The following CADM2 variants were observed in gnomAD, a reference collection of about 807,000 sequenced individuals.
The protein encoded by CADM2 is cell adhesion molecule 2, also known as immunoglobulin superfamily member 4D.
CADM2 carries 12 observed loss-of-function variants against 49.8 expected under a neutral mutation model. The ratio of observed to expected loss-of-function variants is 0.24; its 90% CI spans 0.15 to 0.39. The LOEUF (loss-of-function observed/expected upper bound fraction) is 0.39. Among genes scored for constraint, CADM2 ranks in the 10% least tolerant of loss-of-function variants. CADM2 has a pLI of 1.00. For missense variants in CADM2, 378 were observed against 492.3 expected (o/e 0.77, Z 2.20); for synonymous variants, 214 against 175.4 (o/e 1.22, Z -1.74).
intron 1 of CADM2, among the ~76,000 whole-genome samples, chr3:85,563,471 A>T (rs1442134910): frequency 6.6e-6 from 1 of 151,724 alleles, no homozygotes; most frequent in Admixed American, 6.6e-5. Context: ...AAAATATGTG[A>T]TCCATTATAC....
chr3:85,889,762 T>G (rs755671300), intron 5 of CADM2, among the ~76,000 whole-genome samples: 4 of 152,136 alleles, frequency 2.6e-5, no homozygotes, highest in Admixed American at 1.3e-4. Context: ...GTTGTACCAA[T>G]TCCTGAATTA....
chr3:85,724,439 A>G (rs748615922), intron 1 of CADM2, among the ~76,000 whole-genome samples: 1 of 151,934 alleles, frequency 6.6e-6, no homozygotes, highest in Non-Finnish European at 1.5e-5. Context: ...GAGATATGCC[A>G]TAAAGATGCA....
At chr3:85,505,656 A>T (rs1308027291) in intron 1 of CADM2, among the ~76,000 whole-genome samples, 1 of 152,186 alleles carries the variant, frequency 6.6e-6, no homozygotes, top group Non-Finnish European at 1.5e-5. Flanking sequence ...TAGCCATCAT[A>T]TGTTAGAGAT....
chr3:85,906,823 TAAAGA>T (rs1466935312), intron 5 of CADM2, among the ~76,000 whole-genome samples: 1 of 152,194 alleles, frequency 6.6e-6, no homozygotes, highest in African/African-American at 2.4e-5. Context: ...GCTTGAACAT[TAAAGA>T]AAAGTGTTTT....
chr3:85,271,569 A>G (rs1357661302), intron 1 of CADM2, among the ~76,000 whole-genome samples: 1 of 151,236 alleles, frequency 6.6e-6, no homozygotes, highest in East Asian at 1.9e-4. Flanking sequence ...TAAGGTCATG[A>G]TGCTTTATAA....
chr3:85,410,552 A>G (rs1422216798), intron 1 of CADM2, among the ~76,000 whole-genome samples: 1 of 152,174 alleles, frequency 6.6e-6, no homozygotes, highest in Non-Finnish European at 1.5e-5. Context: ...GGATTTTTTA[A>G]AAAGGATTTG....
chr3:85,689,665 A>G (rs2107677424), intron 1 of CADM2, among the ~76,000 whole-genome samples: 1 of 152,300 alleles, frequency 6.6e-6, no homozygotes, highest in South Asian at 2.1e-4. Flanking sequence ...ACATGTTCAG[A>G]GCTGTTCTTT....
intron 1 of CADM2, among the ~76,000 whole-genome samples, chr3:85,201,701 T>C (rs1187562015): frequency 6.6e-6 from 1 of 152,166 alleles, no homozygotes; most frequent in Non-Finnish European, 1.5e-5. Flanking sequence ...TATTCTAAAA[T>C]TTTGTTGTCA....
At chr3:86,041,528 C>A (rs1468505113) in intron 8 of CADM2, among the ~76,000 whole-genome samples, 1 of 152,134 alleles carries the variant, frequency 6.6e-6, no homozygotes, top group East Asian at 1.9e-4. Context: ...ACAAGAAGAG[C>A]TAACTATCTT....
At chr3:85,989,483 T>G (rs1195735358) in intron 8 of CADM2, among the ~76,000 whole-genome samples, 1 of 152,072 alleles carries the variant, frequency 6.6e-6, no homozygotes, top group Non-Finnish European at 1.5e-5. Flanking sequence ...CAATAGGATA[T>G]TCTGTTAATT....
At chr3:85,658,263 A>G (rs1297467871) in intron 1 of CADM2, among the ~76,000 whole-genome samples, 1 of 152,014 alleles carries the variant, frequency 6.6e-6, no homozygotes, top group Middle Eastern at 3.2e-3. Flanking sequence ...AGATGAAGGA[A>G]GAGATCTATA....
chr3:86,057,070 T>G (rs1234493621), intron 8 of CADM2, among the ~76,000 whole-genome samples: 1 of 152,208 alleles, frequency 6.6e-6, no homozygotes, highest in African/African-American at 2.4e-5. Flanking sequence ...TTATATATTT[T>G]CATGTTTTCT....
At position 85,457,360 on chromosome 3, in the gene CADM2, C is replaced by CCATG. The variant is rs542663829; in HGVS notation, c.62-269161_62-269158dup. On this transcript the variant is annotated intron_variant, in intron 1 of 9. Coordinates refer to ENST00000383699, the MANE Select transcript of CADM2 (RefSeq NM_001167675.2). ...CCTAGGAGGTCAAGGCTGCAGTGAG[C>CCATG]CATGATTGCACCACTGCACTCCAGC... Among the ~76,000 whole-genome samples the CCATG allele has an allele frequency of 5.9e-5, 9 of 151,988 alleles. No individual in the cohort carries two copies. The South Asian group carries it at 1.9e-3, about 32-fold the overall frequency.
rs576115025 is a variant in CADM2 at position 85,401,461 on chromosome 3, G to A, written c.62-325061G>A. 2.4e-3 allele frequency among the ~76,000 whole-genome samples: 369 copies of A among 152,180 alleles called. 2 individuals are homozygous for A. The highest frequency in any genetic ancestry group is 8.5e-3 in the African/African-American group (352 of 41,520). ...TGGTGGGTGGGAGACCCATCCCAGC[G>A]GAAACTTGGTTGGCATGTGGTGAAG... On this transcript the variant is annotated intron_variant, in intron 1 of 9. Transcript: ENST00000383699.
At chr3:85,143,679 T>A (rs944265102) in intron 1 of CADM2, among the ~76,000 whole-genome samples, 1 of 152,176 alleles carries the variant, frequency 6.6e-6, no homozygotes, top group African/African-American at 2.4e-5. Context: ...AAGGGCCTAC[T>A]TACACCTTCT....
At chr3:84,965,683 A>C (rs1295072681) in intron 1 of CADM2, among the ~76,000 whole-genome samples, 1 of 152,134 alleles carries the variant, frequency 6.6e-6, no homozygotes, top group Non-Finnish European at 1.5e-5. Flanking sequence ...GGACTTAATA[A>C]CTGTTGGGCT....
At chr3:85,468,770 A>G (rs761672579) in intron 1 of CADM2, among the ~76,000 whole-genome samples, 1 of 152,156 alleles carries the variant, frequency 6.6e-6, no homozygotes, top group Non-Finnish European at 1.5e-5. Flanking sequence ...CACTAGTCAT[A>G]GAGTAAGGAA....
chr3:85,722,429 T>A (rs1430990268), intron 1 of CADM2, among the ~76,000 whole-genome samples: 1 of 152,192 alleles, frequency 6.6e-6, no homozygotes, highest in African/African-American at 2.4e-5. Flanking sequence ...CTATAAATTT[T>A]TGCTTAGGAG....
chr3:85,974,221 T>C (rs80250242), intron 8 of CADM2, among the ~76,000 whole-genome samples: 1,681 of 151,642 alleles, frequency 0.011, 25 homozygotes, highest in African/African-American at 0.037. Flanking sequence ...TGAGATCCTA[T>C]TTGAACCAGG....
Sources: gnomAD v4.1 joint callset for allele counts (sites outside exome capture counted in the v4.1 genomes callset) on GRCh38, gnomAD v4.1.1 for gene constraint, MANE v1.5 for transcripts, NCBI Gene and HGNC (gene_info 2026-07-23, HGNC 2026-07-21) for gene names.